The following SYNRG variants were observed in gnomAD, a reference collection of about 807,000 sequenced individuals.
SYNRG encodes AP1 gamma subunit binding protein 1.
A neutral mutation model predicts 130.9 loss-of-function variants in SYNRG; 37 were observed. The ratio of observed to expected loss-of-function variants is 0.28; its 90% CI spans 0.22 to 0.37. The LOEUF (loss-of-function observed/expected upper bound fraction) is 0.37, where lower values mean the gene tolerates loss of function less well. SYNRG is among the 10% of genes least tolerant of loss of function. The pLI is 1.00. For synonymous variants in SYNRG, 539 were observed against 568.1 expected (o/e 0.95, Z 0.73); for missense variants, 1,338 against 1,588.9 (o/e 0.84, Z 2.68).
At chr17:37,589,926 T>G (rs1203985816) in intron 3 of SYNRG, among the ~76,000 whole-genome samples, 1 of 151,996 alleles carries the variant, frequency 6.6e-6, no homozygotes, top group African/African-American at 2.4e-5. Flanking sequence ...ATCCCAGCAC[T>G]TTGGGAGGCT....
chr17:37,594,207 CAAT>C (rs1377179078), intron 3 of SYNRG, among the ~76,000 whole-genome samples: 1 of 93,220 alleles, frequency 1.1e-5, no homozygotes, highest in African/African-American at 5.0e-5. Flanking sequence ...ATATTAATTA[CAAT>C]ATTAATTATT....
intron 1 of SYNRG, among the ~76,000 whole-genome samples, chr17:37,607,023 A>T (rs932955152): frequency 6.6e-6 from 1 of 152,220 alleles, no homozygotes; most frequent in Non-Finnish European, 1.5e-5. Context: ...TCTCTAAAAA[A>T]AATAATATTC....
In SYNRG at chr17:37,593,874, C is replaced by A. The variant is rs9893570; in HGVS notation, c.240+2349G>T. Among the ~76,000 whole-genome samples, 4 of 146,054 alleles carry A rather than the reference C, an allele frequency of 2.7e-5. No individual in the cohort carries two copies. The East Asian group carries it at 6.0e-4, about 22-fold the overall frequency. Reference sequence around the variant, plus strand: ...ACTCCAGCCTGGGCAACAAAACTCCCTCTCAAAAAAAAAAAAAAAAAATGG... The same window carrying A: ...ACTCCAGCCTGGGCAACAAAACTCCATCTCAAAAAAAAAAAAAAAAAATGG... On this transcript the variant is annotated intron_variant, in intron 3 of 21. Transcript: ENST00000612223.
At position 37,553,711 on chromosome 17, in the gene SYNRG, CCAAAATCAT is replaced by C. The variant is rs2058881983; in HGVS notation, c.2003_2011del (p.Asp668_Phe670del). 3 of 1,613,712 alleles carry C rather than the reference CCAAAATCAT, an allele frequency of 1.9e-6. No individual in the cohort carries two copies. Among genetic ancestry groups the C allele is most frequent in the Non-Finnish European group, 1.7e-6 (2 of 1,179,956 alleles). On this transcript the variant is annotated inframe_deletion, in exon 14 of 22. Transcript: ENST00000612223. ...ATATTCCCCAAAAAGGCTGAATTCT[CCAAAATCAT>C]CAGCCAAACTAGAAGTTTTTGTTGC...
In SYNRG at chr17:37,561,515, C is replaced by A. The variant is rs1446221229; in HGVS notation, c.1556G>T (p.Gly519Val). The A allele has an allele frequency of 6.2e-7, 1 of 1,613,680 alleles. No individual in the cohort carries two copies. The highest frequency in any genetic ancestry group is 8.5e-7 in the Non-Finnish European group (1 of 1,179,778). Reference sequence around the variant, plus strand: ...TTCAGAGGACTTGTCAGCTGCAATTCCTTTAAACACAGCATATTTGTCCAT... The same window carrying A: ...TTCAGAGGACTTGTCAGCTGCAATTACTTTAAACACAGCATATTTGTCCAT... ...PSMDKYAVFK[G>V]IAADKSSENT... is the part of the protein sequence containing the mutation. Residue 519 changes from glycine (G) to valine (V), a missense_variant, in exon 12 of 22, where the codon GGA (glycine) becomes GTA (valine). Coordinates refer to ENST00000612223, the MANE Select transcript of SYNRG (RefSeq NM_007247.6).
chr17:37,604,052 C>T (rs1001055566), intron 1 of SYNRG, among the ~76,000 whole-genome samples: 1 of 151,978 alleles, frequency 6.6e-6, no homozygotes, highest in Non-Finnish European at 1.5e-5. Context: ...ACCAGCCTGG[C>T]CAACATGGTG....
chr17:37,520,412 G>A, intron 20 of SYNRG, 126 bp downstream of exon 20: 1 of 1,123,466 alleles, frequency 8.9e-7, no homozygotes, highest in Non-Finnish European at 1.3e-6. Flanking sequence ...CCTACCATCA[G>A]CTTTTAGGAC....
At chr17:37,579,802 G>A (rs557521484) in intron 6 of SYNRG, among the ~76,000 whole-genome samples, 17 of 152,086 alleles carry the variant, frequency 1.1e-4, no homozygotes, top group Admixed American at 1.3e-4. Context: ...CCTGAAACTC[G>A]TGGGATCAAG....
chr17:37,585,472 T>G, intron 4 of SYNRG, 42 bp from the exon 5 acceptor site: 23 of 1,318,384 alleles, frequency 1.7e-5, no homozygotes, highest in Non-Finnish European at 2.3e-5. Flanking sequence ...CTCCCGGGAT[T>G]ATACACTGTG....
At position 37,535,990 on chromosome 17, in the gene SYNRG, C is replaced by T. The variant is rs1231711925; in HGVS notation, c.3655G>A (p.Ala1219Thr). The change falls in exon 19 of 22, where the codon GCC becomes ACC. Residue 1219 changes from alanine to threonine, a missense_variant. Transcript: ENST00000612223. ...TCTCATGGGCTTACTGTGAGTGTGG[C>T]GAGTGACATGAAGCCGATTAGGTTA... ...WNNLIGFMSL[A>T]TLTPDENSLD... 3.1e-6 allele frequency: 5 copies of T among 1,613,610 alleles called. No homozygotes were observed. The highest frequency in any genetic ancestry group is 4.2e-6 in the Non-Finnish European group (5 of 1,179,962).
intron 1 of SYNRG, among the ~76,000 whole-genome samples, chr17:37,609,075 G>A (rs1750088337): frequency 1.3e-5 from 2 of 149,228 alleles, no homozygotes; most frequent in African/African-American, 4.9e-5. Flanking sequence ...GGCGGCCGGC[G>A]CCCCCAACTG....
intron 11 of SYNRG, 169 bp downstream of exon 11, chr17:37,568,622 A>C: frequency 1.5e-6 from 1 of 648,070 alleles, no homozygotes; most frequent in Non-Finnish European, 2.4e-6. Context: ...AGATGGACAA[A>C]GGGGAGAGAA....
At chr17:37,564,623 C>T (rs1020978278) in intron 11 of SYNRG, among the ~76,000 whole-genome samples, 2 of 152,202 alleles carry the variant, frequency 1.3e-5, no homozygotes, top group Non-Finnish European at 2.9e-5. Context: ...CTTACTTGCC[C>T]TTTCATCTTC....
chr17:37,578,100 G>A (rs1186141408), intron 6 of SYNRG, among the ~76,000 whole-genome samples: 1 of 151,892 alleles, frequency 6.6e-6, no homozygotes, highest in Non-Finnish European at 1.5e-5. Context: ...GGGAGGCCAA[G>A]GCAGGCAGAC....
At chr17:37,583,360 C>A (rs2061474103) in intron 6 of SYNRG, among the ~76,000 whole-genome samples, 1 of 152,132 alleles carries the variant, frequency 6.6e-6, no homozygotes, top group Non-Finnish European at 1.5e-5. Context: ...CCTTTCTAAT[C>A]TCAGCCTGAT....
chr17:37,604,085 A>G (rs762443551), intron 1 of SYNRG, among the ~76,000 whole-genome samples: 1 of 152,038 alleles, frequency 6.6e-6, no homozygotes, highest in Non-Finnish European at 1.5e-5. Context: ...TACTAAAAAT[A>G]TAAAATTAGC....
intron 19 of SYNRG, chr17:37,529,665 C>T: frequency 1.1e-6 from 1 of 904,948 alleles, no homozygotes; most frequent in Non-Finnish European, 1.7e-6. Flanking sequence ...GCTTGCACTT[C>T]ACCTGGTGAG....
chr17:37,520,306 T>C, intron 20 of SYNRG, 92 bp from the exon 21 acceptor site: 1 of 1,533,030 alleles, frequency 6.5e-7, no homozygotes, highest in Admixed American at 1.7e-5. Context: ...CCTTTTCCCC[T>C]GACCTCCCCA....
chr17:37,572,841 A>C (rs2060536427), intron 8 of SYNRG, among the ~76,000 whole-genome samples: 1 of 152,236 alleles, frequency 6.6e-6, no homozygotes, highest in African/African-American at 2.4e-5. Flanking sequence ...GGTTTTCCAA[A>C]GGACCAAGTG....
Sources: gnomAD v4.1 joint callset for allele counts (sites outside exome capture counted in the v4.1 genomes callset) on GRCh38, gnomAD v4.1.1 for gene constraint, MANE v1.5 for transcripts, NCBI Gene and HGNC (gene_info 2026-07-23, HGNC 2026-07-21) for gene names.